Variants in ARHGAP22 observed in about 807,000 individuals in gnomAD.
ARHGAP22 encodes rho GTPase-activating protein 22.
ARHGAP22 carries 48 observed loss-of-function variants against 59.1 expected under a neutral mutation model. That is an observed-to-expected ratio of 0.81 (90% CI 0.64 to 1.03). The LOEUF (loss-of-function observed/expected upper bound fraction) is 1.03. Ranked by LOEUF, ARHGAP22 falls within the 50% of genes least tolerant of loss-of-function variation. ARHGAP22 has a pLI of 0.00. For synonymous variants in ARHGAP22, 445 were observed against 416.4 expected (o/e 1.07, Z -0.84); for missense variants, 1,015 against 958.7 (o/e 1.06, Z -0.78).
the ARHGAP22 span, among the ~76,000 whole-genome samples, chr10:48,440,602 C>T: frequency 6.6e-6 from 1 of 152,092 alleles, no homozygotes. Context: ...CAGTGAGGAA[C>T]GGCCTGGCAT....
chr10:48,631,624 T>C (rs920860946), intron 1 of ARHGAP22, among the ~76,000 whole-genome samples: 2 of 152,220 alleles, frequency 1.3e-5, no homozygotes, highest in African/African-American at 4.8e-5. Context: ...ACTTAAAAAA[T>C]AGTACAGGTT....
upstream of ARHGAP22, among the ~76,000 whole-genome samples, chr10:48,654,773 A>ACTTTCTTT (rs201340687): frequency 0.02 from 2,214 of 112,108 alleles, 48 homozygotes; most frequent in East Asian, 0.026. Flanking sequence ...CATGCTGATT[A>ACTTTCTTT]CTTTCTTTCT....
intron 3 of ARHGAP22, among the ~76,000 whole-genome samples, chr10:48,480,889 A>G (rs2049238148): frequency 6.6e-6 from 1 of 152,198 alleles, no homozygotes; most frequent in South Asian, 2.1e-4. Flanking sequence ...CCCTCCTGCC[A>G]TCTCTCCGCC....
chr10:48,591,369 G>C (rs1278005473), intron 1 of ARHGAP22, among the ~76,000 whole-genome samples: 1 of 152,180 alleles, frequency 6.6e-6, no homozygotes, highest in Non-Finnish European at 1.5e-5. Flanking sequence ...CAGCAGAGGA[G>C]GAACCATTTC....
chr10:48,572,667 C>T (rs1051420678), intron 2 of ARHGAP22, among the ~76,000 whole-genome samples: 1 of 152,200 alleles, frequency 6.6e-6, no homozygotes, highest in Non-Finnish European at 1.5e-5. Flanking sequence ...CTGTTCAGGA[C>T]AAATTCCTGC....
chr10:48,543,695 C>T (rs2056175940), intron 3 of ARHGAP22, among the ~76,000 whole-genome samples: 1 of 151,934 alleles, frequency 6.6e-6, no homozygotes, highest in South Asian at 2.1e-4. Context: ...TTCTGATGCA[C>T]CAGGAAATTT....
chr10:48,631,519 T>C (rs1262679312), intron 1 of ARHGAP22, among the ~76,000 whole-genome samples: 2 of 152,228 alleles, frequency 1.3e-5, no homozygotes, highest in Non-Finnish European at 2.9e-5. Context: ...CTCCTTGGGA[T>C]ATCAATTATA....
chr10:48,436,993 CA>C, the ARHGAP22 span: 2 of 152,222 alleles, frequency 1.3e-5, no homozygotes, highest in African/African-American at 4.8e-5. Context: ...TGCACTTTCA[CA>C]GCAGACATGC....
intron 1 of ARHGAP22, among the ~76,000 whole-genome samples, chr10:48,585,230 C>T (rs1259591529): frequency 2.6e-5 from 4 of 152,174 alleles, no homozygotes; most frequent in African/African-American, 9.7e-5. Flanking sequence ...AAATGCTAAA[C>T]CATCACAGCT....
At chr10:48,579,224 A>G (rs2058960206) in intron 2 of ARHGAP22, among the ~76,000 whole-genome samples, 1 of 151,970 alleles carries the variant, frequency 6.6e-6, no homozygotes, top group Non-Finnish European at 1.5e-5. Context: ...TTCCATTTCA[A>G]TTCAAAGCCA....
chr10:48,557,894 A>G (rs1003090280), intron 2 of ARHGAP22, among the ~76,000 whole-genome samples: 10 of 152,178 alleles, frequency 6.6e-5, no homozygotes, highest in Non-Finnish European at 1.3e-4. Flanking sequence ...CTGGTATGAC[A>G]TTTGCTAAGA....
At chr10:48,629,975 GA>G (rs2061574114) in intron 1 of ARHGAP22, among the ~76,000 whole-genome samples, 1 of 152,038 alleles carries the variant, frequency 6.6e-6, no homozygotes, top group Non-Finnish European at 1.5e-5. Context: ...TGACAGATTT[GA>G]AAAAAATTAA....
chr10:48,617,394 G>T (rs1388782860), intron 1 of ARHGAP22, among the ~76,000 whole-genome samples: 1 of 151,958 alleles, frequency 6.6e-6, no homozygotes, highest in Non-Finnish European at 1.5e-5. Context: ...TAAAGCTCCA[G>T]AATATACATT....
chr10:48,592,081 A>G (rs1283166141), intron 1 of ARHGAP22, among the ~76,000 whole-genome samples: 1 of 152,150 alleles, frequency 6.6e-6, no homozygotes, highest in Non-Finnish European at 1.5e-5. Context: ...ATTAGAAAAG[A>G]CTTGAAAAGA....
chr10:48,463,211 G>A (rs2047323499), intron 4 of ARHGAP22, among the ~76,000 whole-genome samples: 1 of 152,180 alleles, frequency 6.6e-6, no homozygotes, highest in Admixed American at 6.5e-5. Flanking sequence ...CTTCTCCGCA[G>A]TCTCCACCAT....
intron 1 of ARHGAP22, among the ~76,000 whole-genome samples, chr10:48,619,783 T>C (rs1565009581): frequency 6.6e-6 from 1 of 152,130 alleles, no homozygotes; most frequent in East Asian, 1.9e-4. Context: ...AGGACATTGG[T>C]CTGAGCAAAG....
At chr10:48,517,063 C>T (rs181193099) in intron 3 of ARHGAP22, among the ~76,000 whole-genome samples, 8 of 152,066 alleles carry the variant, frequency 5.3e-5, no homozygotes, top group Non-Finnish European at 2.9e-5. Context: ...GGGCTGGGGA[C>T]GAGGGGACAC....
rs533688786 is a variant in ARHGAP22, at chr10:48,630,253, G to A, written c.52+21981C>T. ...ACTACAGGCCCCCGCCACCTCGCTC[G>A]GCTAATTTTTGTATTTTTAATAGAG... is the stretch of plus-strand genomic sequence containing the variant. On this transcript the variant is annotated intron_variant, in intron 1 of 9. Transcript: ENST00000435790. 2.6e-5 allele frequency among the ~76,000 whole-genome samples: 4 copies of A among 152,082 alleles called. No individual in the cohort carries two copies. In the South Asian group the frequency reaches 8.3e-4, roughly 32 times the overall value.
chr10:48,605,613 C>T (rs956194438), upstream of ARHGAP22, among the ~76,000 whole-genome samples: 3 of 152,056 alleles, frequency 2.0e-5, no homozygotes, highest in Admixed American at 1.3e-4. Flanking sequence ...TTGATGCTGG[C>T]ATAATTTTAA....
Sources: allele counts gnomAD v4.1 joint callset (sites outside exome capture counted in the v4.1 genomes callset), GRCh38; gene constraint gnomAD v4.1.1; transcripts MANE v1.5; gene names NCBI Gene and HGNC (gene_info 2026-07-23, HGNC 2026-07-21).